WDFY2: variants seen among roughly 807,000 people sequenced by gnomAD.
The protein encoded by WDFY2 is WD repeat and FYVE domain containing 2.
In WDFY2, 36 loss-of-function variants were observed where a neutral mutation model predicts 56.4. The ratio of observed to expected loss-of-function variants is 0.64; its 90% CI spans 0.49 to 0.84. The LOEUF (loss-of-function observed/expected upper bound fraction) is 0.84, where lower values mean the gene tolerates loss of function less well. Among genes scored for constraint, WDFY2 ranks in the 40% least tolerant of loss-of-function variants. The pLI is 0.00. For missense variants in WDFY2, 444 were observed against 512.2 expected, an observed-to-expected ratio of 0.87 and a Z score of 1.29; for synonymous variants, 176 against 183.7, an observed-to-expected ratio of 0.96 and a Z score of 0.34.
At chr13:51,748,931 T>C (rs770795682) in intron 7 of WDFY2, among the ~76,000 whole-genome samples, 1 of 152,200 alleles carries the variant, frequency 6.6e-6, no homozygotes, top group East Asian at 1.9e-4. Context: ...ATAGACACTT[T>C]AGTATTGCCC....
intron 1 of WDFY2, among the ~76,000 whole-genome samples, chr13:51,592,845 GGC>G (rs1403902516): frequency 6.6e-6 from 1 of 152,168 alleles, no homozygotes; most frequent in Non-Finnish European, 1.5e-5. Flanking sequence ...ATATAGGCCA[GGC>G]GTGGTGATTC....
rs576552029 is a variant in WDFY2 at position 51,645,575 on chromosome 13, A to G, written c.138-15021A>G. Among the ~76,000 whole-genome samples the G allele has an allele frequency of 5.3e-5, 8 of 152,156 alleles. No homozygotes were observed. The South Asian group carries it at 6.2e-4, about 12-fold the overall frequency. On this transcript the variant is annotated intron_variant, in intron 1 of 11. Coordinates refer to ENST00000298125, the MANE Select transcript of WDFY2 (RefSeq NM_052950.4). ...AAATGACCTATATAGATAGTGTTTT[A>G]TTGTAGGCACGTTTCCACTGTGAAT...
At chr13:51,758,359 GC>G in intron 11 of WDFY2, 59 bp downstream of exon 11, 1 of 1,310,506 alleles carries the variant, frequency 7.6e-7, no homozygotes, top group Non-Finnish European at 1.1e-6. Flanking sequence ...ATATACAGGA[GC>G]ACCAAGAACA....
At chr13:51,657,025 G>A (rs1041261733) in intron 1 of WDFY2, among the ~76,000 whole-genome samples, 1 of 151,804 alleles carries the variant, frequency 6.6e-6, no homozygotes, top group Non-Finnish European at 1.5e-5. Flanking sequence ...TATTTTTTAT[G>A]TCTTAAATCT....
At chr13:51,627,121 C>T (rs1482778407) in intron 1 of WDFY2, among the ~76,000 whole-genome samples, 1 of 152,208 alleles carries the variant, frequency 6.6e-6, no homozygotes, top group African/African-American at 2.4e-5. Context: ...GCTGCAGGCA[C>T]CTGTGTCCAG....
intron 8 of WDFY2, 105 bp downstream of exon 8, chr13:51,751,520 A>T: frequency 2.8e-6 from 3 of 1,089,424 alleles, no homozygotes; most frequent in Non-Finnish European, 4.1e-6. Context: ...TAAGGCATGT[A>T]ACGTTAAAGA....
At chr13:51,685,751 A>G (rs1032252819) in intron 3 of WDFY2, among the ~76,000 whole-genome samples, 4 of 152,120 alleles carry the variant, frequency 2.6e-5, no homozygotes, top group Admixed American at 6.6e-5. Flanking sequence ...TCAAGGGTCA[A>G]TGTAGTCCCT....
chr13:51,660,195 T>C (rs1310994669), intron 1 of WDFY2, among the ~76,000 whole-genome samples: 1 of 151,958 alleles, frequency 6.6e-6, no homozygotes, highest in African/African-American at 2.4e-5. Flanking sequence ...ATATTCTCTC[T>C]CTCTCTTATG....
At chr13:51,743,052 A>G (rs1365557323) in intron 7 of WDFY2, among the ~76,000 whole-genome samples, 1 of 152,244 alleles carries the variant, frequency 6.6e-6, no homozygotes, top group African/African-American at 2.4e-5. Context: ...GGGTTAGAGG[A>G]CAGGTGGACA....
At chr13:51,641,168 G>A (rs1286080940) in intron 1 of WDFY2, among the ~76,000 whole-genome samples, 1 of 152,020 alleles carries the variant, frequency 6.6e-6, no homozygotes, top group African/African-American at 2.4e-5. Flanking sequence ...CGCCCTCCGA[G>A]TTCAAATGAT....
intron 1 of WDFY2, among the ~76,000 whole-genome samples, chr13:51,653,772 G>A (rs559164059): frequency 2.9e-5 from 4 of 138,394 alleles, no homozygotes; most frequent in Non-Finnish European, 4.8e-5. Context: ...TGGAAGTTTT[G>A]TCTCAGAGGA....
Position 51,758,179 on chromosome 13 carries a change from T to C in WDFY2, c.1065-13T>C, listed in dbSNP as rs756604674. 2.6e-6 allele frequency: 4 copies of C among 1,542,400 alleles called. No homozygotes were observed. The South Asian group carries it at 4.8e-5, about 19-fold the overall frequency. On this transcript the variant is annotated splice_polypyrimidine_tract_variant and intron_variant, in intron 10 of 11. Coordinates refer to ENST00000298125, the MANE Select transcript of WDFY2 (RefSeq NM_052950.4). ...CACCTTTTCCCCTCAGAAGCTTTCT[T>C]TGCTCCTTCTAGACGTGCACCCACA...
chr13:51,629,272 A>G (rs1954902641), intron 1 of WDFY2, among the ~76,000 whole-genome samples: 1 of 152,224 alleles, frequency 6.6e-6, no homozygotes, highest in African/African-American at 2.4e-5. Flanking sequence ...GATAGATTAC[A>G]GTAGATTTAG....
chr13:51,609,657 G>A (rs995896577), intron 1 of WDFY2, among the ~76,000 whole-genome samples: 1 of 113,522 alleles, frequency 8.8e-6, no homozygotes, highest in Non-Finnish European at 1.7e-5. Flanking sequence ...TAAGAACACA[G>A]GAGAATATTT....
At chr13:51,726,622 G>C (rs1952610789) in intron 5 of WDFY2, among the ~76,000 whole-genome samples, 1 of 152,204 alleles carries the variant, frequency 6.6e-6, no homozygotes, top group East Asian at 1.9e-4. Flanking sequence ...TATTTGAACA[G>C]TTAAGGCACA....
chr13:51,690,421 C>T (rs900936918), intron 3 of WDFY2, among the ~76,000 whole-genome samples: 5 of 147,246 alleles, frequency 3.4e-5, no homozygotes, highest in African/African-American at 7.5e-5. Flanking sequence ...GTTCAATTCC[C>T]ACCTATGAGT....
At chr13:51,585,472 G>A (rs112063322) in intron 1 of WDFY2, among the ~76,000 whole-genome samples, 187 of 152,292 alleles carry the variant, frequency 1.2e-3, no homozygotes, top group Middle Eastern at 3.4e-3. Flanking sequence ...TAGCTCTTGA[G>A]TTCCTTCCCT....
chr13:51,651,883 TG>T (rs1476784830), intron 1 of WDFY2, among the ~76,000 whole-genome samples: 1 of 152,198 alleles, frequency 6.6e-6, no homozygotes, highest in Non-Finnish European at 1.5e-5. Context: ...TCTGTTGATT[TG>T]GGGTAGAGAA....
chr13:51,698,825 C>T (rs1479240439), intron 3 of WDFY2, among the ~76,000 whole-genome samples: 1 of 152,056 alleles, frequency 6.6e-6, no homozygotes, highest in East Asian at 1.9e-4. Context: ...AAAAATAAAA[C>T]ATTTCAGTAC....
Sources: gnomAD v4.1 joint callset for allele counts (sites outside exome capture counted in the v4.1 genomes callset) on GRCh38, gnomAD v4.1.1 for gene constraint, MANE v1.5 for transcripts, NCBI Gene and HGNC (gene_info 2026-07-23, HGNC 2026-07-21) for gene names.